The following ME3 variants were observed in gnomAD, a reference collection of about 807,000 sequenced individuals.
ME3 encodes malic enzyme 3.
A neutral mutation model predicts 68.9 loss-of-function variants in ME3; 48 were observed. The ratio of observed to expected loss-of-function variants is 0.70; its 90% CI spans 0.55 to 0.89. The LOEUF (loss-of-function observed/expected upper bound fraction) is 0.89. Ranked by LOEUF, ME3 falls within the 40% of genes least tolerant of loss-of-function variation. ME3 has a pLI of 0.00. For synonymous variants in ME3, 320 were observed against 318.8 expected (o/e 1.00, Z -0.04); for missense variants, 675 against 797.4 (o/e 0.85, Z 1.85).
chr11:86,450,459 C>CTT, intron 8 of ME3, 61 bp from the exon 9 acceptor site: 2 of 1,437,136 alleles, frequency 1.4e-6, no homozygotes, highest in Non-Finnish European at 1.9e-6. Flanking sequence ...CAAGAGAAGA[C>CTT]CCTTGGCAGA....
chr11:86,523,100 C>T (rs1243744256), intron 4 of ME3, among the ~76,000 whole-genome samples: 1 of 152,156 alleles, frequency 6.6e-6, no homozygotes, highest in African/African-American at 2.4e-5. Flanking sequence ...AACCTCAGTC[C>T]TACTGTTGGC....
At chr11:86,525,117 T>G (rs1594292183) in intron 4 of ME3, among the ~76,000 whole-genome samples, 4 of 152,202 alleles carry the variant, frequency 2.6e-5, no homozygotes, top group Non-Finnish European at 5.9e-5. Flanking sequence ...CAGACAGACT[T>G]AGACCCAAAT....
At chr11:86,607,506 G>A (rs545782378) in intron 2 of ME3, among the ~76,000 whole-genome samples, 1 of 147,184 alleles carries the variant, frequency 6.8e-6, no homozygotes, top group Non-Finnish European at 1.5e-5. Context: ...AATAGAGCCT[G>A]GTGAATATCA....
intron 8 of ME3, among the ~76,000 whole-genome samples, chr11:86,463,074 A>G (rs1950303269): frequency 6.6e-6 from 1 of 152,198 alleles, no homozygotes; most frequent in Non-Finnish European, 1.5e-5. Context: ...AGAGGGTGGC[A>G]TAGTGAGTGA....
chr11:86,560,595 A>G (rs970782051), intron 2 of ME3, among the ~76,000 whole-genome samples: 4 of 151,872 alleles, frequency 2.6e-5, no homozygotes, highest in East Asian at 1.9e-4. Flanking sequence ...ATTAGAGTCA[A>G]TGAACCAGTA....
chr11:86,517,044 G>T (rs11234670), intron 4 of ME3, among the ~76,000 whole-genome samples: 10,907 of 152,158 alleles, frequency 0.072, 479 homozygotes, highest in Non-Finnish European at 0.1. Context: ...AGGCATATTT[G>T]TTATGGGCTG....
At chr11:86,547,239 C>CAAAAAAAAA (rs1169843852) in intron 4 of ME3, among the ~76,000 whole-genome samples, 11 of 45,994 alleles carry the variant, frequency 2.4e-4, no homozygotes, top group African/African-American at 7.2e-4. Flanking sequence ...GACTCCATCT[C>CAAAAAAAAA]AAAAAAAAAA....
intron 4 of ME3, among the ~76,000 whole-genome samples, chr11:86,529,425 G>A (rs1367938214): frequency 6.6e-6 from 1 of 152,112 alleles, no homozygotes; most frequent in Non-Finnish European, 1.5e-5. Flanking sequence ...TTCTACCAGA[G>A]ATACAGGGAG....
At chr11:86,602,110 T>G (rs1361898511) in intron 2 of ME3, among the ~76,000 whole-genome samples, 7 of 150,642 alleles carry the variant, frequency 4.6e-5, no homozygotes, top group South Asian at 2.1e-4. Context: ...CCAGGGCAAT[T>G]AGGCAGGAGA....
intron 2 of ME3, among the ~76,000 whole-genome samples, chr11:86,606,848 C>T (rs565071907): frequency 6.6e-6 from 1 of 152,072 alleles, no homozygotes; most frequent in Non-Finnish European, 1.5e-5. Context: ...TTAATCATTC[C>T]TACTTCTTTT....
intron 6 of ME3, among the ~76,000 whole-genome samples, chr11:86,492,780 A>G (rs1012950821): frequency 2.0e-5 from 3 of 152,226 alleles, no homozygotes; most frequent in African/African-American, 7.2e-5. Context: ...ATGGAAAAAG[A>G]AATGGTTTCC....
rs552472980 is a variant in ME3, at chr11:86,637,691, G to T, written c.183+34071C>A. 4.6e-5 allele frequency among the ~76,000 whole-genome samples: 7 copies of T among 152,256 alleles called. No individual in the cohort carries two copies. The South Asian group carries it at 1.5e-3, about 32-fold the overall frequency. Reference sequence around the variant, plus strand: ...GAGTTTAACTTTGTGCTGTAGGTGGGAGGAAGCACAGGAAACTTTTTAAGA... The same window carrying T: ...GAGTTTAACTTTGTGCTGTAGGTGGTAGGAAGCACAGGAAACTTTTTAAGA... On this transcript the variant is annotated intron_variant, in intron 2 of 14. Transcript: ENST00000543262.
chr11:86,601,606 G>A (rs1188254215), intron 2 of ME3, among the ~76,000 whole-genome samples: 2 of 151,974 alleles, frequency 1.3e-5, no homozygotes, highest in African/African-American at 2.4e-5. Flanking sequence ...CATTTTATGA[G>A]GCCAGCATCA....
chr11:86,486,305 C>G (rs1467573195), intron 7 of ME3, among the ~76,000 whole-genome samples: 4 of 152,184 alleles, frequency 2.6e-5, no homozygotes, highest in African/African-American at 9.7e-5. Flanking sequence ...TTATTTTGCT[C>G]TCATCTTAAA....
chr11:86,619,627 C>T (rs968542225), intron 2 of ME3, among the ~76,000 whole-genome samples: 4 of 152,198 alleles, frequency 2.6e-5, no homozygotes, highest in African/African-American at 9.7e-5. Context: ...GGTTCTCATT[C>T]TTTCTTGTCC....
chr11:86,457,804 A>G (rs1244753112), intron 8 of ME3: 2 of 1,257,732 alleles, frequency 1.6e-6, no homozygotes, highest in Non-Finnish European at 2.1e-6. Flanking sequence ...CCAGAGGGAG[A>G]TTTCCATAAT....
chr11:86,554,218 T>A (rs1219346660), intron 4 of ME3, among the ~76,000 whole-genome samples: 1 of 152,168 alleles, frequency 6.6e-6, no homozygotes, highest in South Asian at 2.1e-4. Context: ...CAATCTAGTT[T>A]CCATAAGAGC....
chr11:86,526,960 C>T (rs1954803785), intron 4 of ME3, among the ~76,000 whole-genome samples: 1 of 152,208 alleles, frequency 6.6e-6, no homozygotes, highest in Non-Finnish European at 1.5e-5. Context: ...CAGAGTGCCT[C>T]TCCTCCTCCA....
At chr11:86,568,204 G>A (rs746378831) in intron 2 of ME3, among the ~76,000 whole-genome samples, 27 of 152,134 alleles carry the variant, frequency 1.8e-4, no homozygotes, top group Admixed American at 3.3e-4. Flanking sequence ...TGCTGGTAGG[G>A]ACCTGACTAT....
Sources: allele counts gnomAD v4.1 joint callset (sites outside exome capture counted in the v4.1 genomes callset), GRCh38; gene constraint gnomAD v4.1.1; transcripts MANE v1.5; gene names NCBI Gene and HGNC (gene_info 2026-07-23, HGNC 2026-07-21).